NCOR2: variants seen among roughly 807,000 people sequenced by gnomAD.
NCOR2 encodes the protein CTG repeat protein 26.
NCOR2 carries 81 observed loss-of-function variants against 262.9 expected under a neutral mutation model. The ratio of observed to expected loss-of-function variants is 0.31; its 90% CI spans 0.26 to 0.37. The LOEUF (loss-of-function observed/expected upper bound fraction) is 0.37. Among genes scored for constraint, NCOR2 ranks in the 10% least tolerant of loss-of-function variants. The pLI is 1.00. For synonymous variants in NCOR2, 1,659 were observed against 1,559.3 expected, an observed-to-expected ratio of 1.06 and a Z score of -1.51; for missense variants, 3,385 against 3,621.4, an observed-to-expected ratio of 0.93 and a Z score of 1.68.
At chr12:124,565,069 C>G (rs1186079855) in intron 1 of NCOR2, among the ~76,000 whole-genome samples, 1 of 152,154 alleles carries the variant, frequency 6.6e-6, no homozygotes, top group Non-Finnish European at 1.5e-5. Context: ...AAATCCTTCC[C>G]ACATAACCAA....
intron 8 of NCOR2, 86 bp downstream of exon 10, chr12:124,437,844 C>T: frequency 7.7e-7 from 1 of 1,305,406 alleles, no homozygotes; most frequent in Non-Finnish European, 1.1e-6. Context: ...GCGGAACTGA[C>T]AGGGCCCCGG....
chr12:124,326,322 G>C, exon 46 of NCOR2: 1 of 1,541,058 alleles, frequency 6.5e-7, no homozygotes, highest in Non-Finnish European at 8.7e-7. Flanking sequence ...CGGGGACTTG[G>C]CTTTTCGGCT....
intron 8 of NCOR2, among the ~76,000 whole-genome samples, chr12:124,435,260 T>C (rs548370631): frequency 1.3e-5 from 2 of 152,328 alleles, no homozygotes; most frequent in African/African-American, 4.8e-5. Context: ...ACCGGTCTGT[T>C]TCCTGGCCTG....
At chr12:124,377,713 C>T (rs4765559) in intron 18 of NCOR2, among the ~76,000 whole-genome samples, 3,150 of 151,932 alleles carry the variant, frequency 0.021, 117 homozygotes, top group African/African-American at 0.073. Flanking sequence ...GCGGCGGGCA[C>T]CTCTAATCCC....
At chr12:124,474,317 G>A (rs1187673924) in intron 3 of NCOR2, among the ~76,000 whole-genome samples, 1 of 152,214 alleles carries the variant, frequency 6.6e-6, no homozygotes, top group Non-Finnish European at 1.5e-5. Context: ...AGTTATCTCG[G>A]CAGCAGGGCA....
chr12:124,325,388 C>CCCCCCCCCCCCGGGGGTGG, exon 47 of NCOR2: 1 of 693,388 alleles, frequency 1.4e-6, no homozygotes, highest in Non-Finnish European at 2.0e-6. Flanking sequence ...CCCCCCCCCC[C>CCCCCCCCCCCCGGGGGTGG]GCCCTGTTCT....
chr12:124,382,270 C>A (rs558922742), intron 17 of NCOR2, among the ~76,000 whole-genome samples: 1 of 152,218 alleles, frequency 6.6e-6, no homozygotes, highest in African/African-American at 2.4e-5. Flanking sequence ...ACACCAAGAA[C>A]GGCTACTGTC....
At chr12:124,438,187 C>T (rs901792433) in intron 7 of NCOR2, among the ~76,000 whole-genome samples, 191 bp from the exon 10 acceptor site, 2 of 152,070 alleles carry the variant, frequency 1.3e-5, no homozygotes, top group African/African-American at 2.4e-5. Flanking sequence ...CCCCCGCGCG[C>T]GAGGCAGCCC....
intron 42 of NCOR2, 65 bp downstream of exon 44, chr12:124,333,064 TG>T: frequency 6.6e-7 from 1 of 1,518,640 alleles, no homozygotes; most frequent in African/African-American, 1.4e-5. Flanking sequence ...CACGGTGGAC[TG>T]GGGCCAAGGA....
Position 124,517,234 on chromosome 12 carries a change from C to T in NCOR2, c.-118+18331G>A, listed in dbSNP as rs779453143. Among the ~76,000 whole-genome samples, 5 of 152,168 alleles carry T rather than the reference C, an allele frequency of 3.3e-5. No individual in the cohort carries two copies. Among genetic ancestry groups the T allele is most frequent in the African/African-American group, 4.8e-5 (2 of 41,430 alleles). ...ACCCAGGTCTGTGGCAAAGGAGCAACATTGCCTGGAAGCCCAGCCCCCTCC... is the reference window on the plus strand; with the variant it reads ...ACCCAGGTCTGTGGCAAAGGAGCAATATTGCCTGGAAGCCCAGCCCCCTCC... On this transcript the variant is annotated intron_variant, in intron 1 of 46. Transcript: ENST00000404621. This position sits in a 1 kb window ranked among gnomAD's most constrained non-coding sequence, Gnocchi z 7.6.
At chr12:124,333,313 G>A in intron 41 of NCOR2, 34 bp from the exon 44 acceptor site, 2 of 1,539,932 alleles carry the variant, frequency 1.3e-6, no homozygotes, top group East Asian at 2.3e-5. Flanking sequence ...TGTGGTCAGA[G>A]GTCTCCCTAC....
At chr12:124,417,819 G>A (rs1195207716) in intron 13 of NCOR2, among the ~76,000 whole-genome samples, 1 of 152,152 alleles carries the variant, frequency 6.6e-6, no homozygotes, top group African/African-American at 2.4e-5. Flanking sequence ...CCAGCACTTT[G>A]GGAGGCCAAG....
intron 22 of NCOR2, among the ~76,000 whole-genome samples, chr12:124,357,792 ATGTG>A (rs374836745): frequency 2.8e-4 from 43 of 151,692 alleles, no homozygotes; most frequent in East Asian, 1.6e-3. Context: ...GTAACCTGTG[ATGTG>A]TGTGTGTGTG....
intron 1 of NCOR2, among the ~76,000 whole-genome samples, chr12:124,556,850 CAAAA>C (rs11309290): frequency 7.8e-6 from 1 of 128,890 alleles, no homozygotes; most frequent in East Asian, 2.3e-4. Context: ...CTCTTTGTCT[CAAAA>C]AAAAAAAAAA....
chr12:124,335,648 G>T lies in NCOR2; in HGVS notation c.6116-16C>A. 6.3e-7 allele frequency: 1 copy of T among 1,587,156 alleles called. No individual in the cohort carries two copies. Reference sequence around the variant, plus strand: ...CCGTGGTAACCTAGGGCAGGCGGGGGGTGCAGAGTCAGGCACCGGGCCCAG... The same window carrying T: ...CCGTGGTAACCTAGGGCAGGCGGGGTGTGCAGAGTCAGGCACCGGGCCCAG... On this transcript the variant is annotated splice_polypyrimidine_tract_variant and intron_variant, in intron 38 of 46. Transcript: ENST00000405201.
chr12:124,557,920 C>T (rs1044635792), intron 1 of NCOR2, among the ~76,000 whole-genome samples: 3 of 152,142 alleles, frequency 2.0e-5, no homozygotes, highest in African/African-American at 4.8e-5. Context: ...CTCCAGAGGG[C>T]GACATCCCCT....
intron 37 of NCOR2, 135 bp downstream of exon 39, chr12:124,339,871 A>G (rs2036294866): frequency 9.2e-7 from 1 of 1,089,014 alleles, no homozygotes. Flanking sequence ...CACATAGTCT[A>G]TTCTTCTACC....
At chr12:124,369,777 C>T (rs1357136575) in intron 20 of NCOR2, among the ~76,000 whole-genome samples, 1 of 152,100 alleles carries the variant, frequency 6.6e-6, no homozygotes. Flanking sequence ...GGACACTGGG[C>T]AAGGGGTGGA....
At chr12:124,384,883 A>G (rs1565896137) in intron 17 of NCOR2, among the ~76,000 whole-genome samples, 1 of 151,966 alleles carries the variant, frequency 6.6e-6, no homozygotes, top group Non-Finnish European at 1.5e-5. Context: ...ATCGATGAGG[A>G]AACACGCAGC....
Sources: allele counts gnomAD v4.1 joint callset (sites outside exome capture counted in the v4.1 genomes callset), GRCh38; gene constraint gnomAD v4.1.1; non-coding constraint Gnocchi (gnomAD v3.1); transcripts MANE v1.5; gene names NCBI Gene and HGNC (gene_info 2026-07-23, HGNC 2026-07-21).